The following SPAG9 variants were observed in gnomAD, a reference collection of about 807,000 sequenced individuals.
SPAG9 encodes C-Jun-amino-terminal kinase-interacting protein 4.
SPAG9 carries 35 observed loss-of-function variants against 166.5 expected under a neutral mutation model. The observed-to-expected ratio is 0.21, with a 90% CI of 0.16 to 0.28. The LOEUF is 0.28. Among genes scored for constraint, SPAG9 ranks in the 10% least tolerant of loss-of-function variants. The probability of loss-of-function intolerance (pLI) is 1.00; values close to 1 mark genes in which losing one functional copy is unlikely to be tolerated. For synonymous variants in SPAG9, 534 were observed against 565.5 expected (o/e 0.94, Z 0.79); for missense variants, 1,235 against 1,603.3 (o/e 0.77, Z 3.92).
At position 51,120,868 on chromosome 17, in the gene SPAG9, C is replaced by G; in HGVS notation, c.-212G>C. ...CCCCAACCGCCGCTGCACCAACTGCCGGGGCGGCCCGGCCGCGCGCGCCAC... is the reference window on the plus strand; with the variant it reads ...CCCCAACCGCCGCTGCACCAACTGCGGGGGCGGCCCGGCCGCGCGCGCCAC... On this transcript the variant is annotated 5_prime_UTR_variant, in exon 1 of 30. Transcript: ENST00000262013. The surrounding 1 kb of genome is among the most constrained non-coding windows in gnomAD (Gnocchi z 4.7). 3.9e-6 allele frequency: 1 copy of G among 256,186 alleles called. No homozygotes were observed. Among genetic ancestry groups the G allele is most frequent in the Non-Finnish European group, 7.4e-6 (1 of 135,838 alleles). 15.9% of individuals were successfully genotyped at this position (256,186 alleles called of 1,614,324 possible). A position where few individuals can be genotyped will look rare whatever the true frequency, so the allele number is the denominator to read the frequency against.
chr17:51,020,745 T>C (rs936624729), intron 7 of SPAG9, among the ~76,000 whole-genome samples: 12 of 152,342 alleles, frequency 7.9e-5, no homozygotes, highest in African/African-American at 2.6e-4. Context: ...CCATGGGGGA[T>C]TGGTTCCAGA....
intron 29 of SPAG9, among the ~76,000 whole-genome samples, chr17:50,968,027 G>A (rs778524050): frequency 6.6e-6 from 1 of 152,138 alleles, no homozygotes; most frequent in African/African-American, 2.4e-5. Context: ...GGTTCCAACT[G>A]ACATACTGCA....
intron 1 of SPAG9, among the ~76,000 whole-genome samples, chr17:51,092,926 A>C (rs955076058): frequency 6.6e-6 from 1 of 152,150 alleles, no homozygotes; most frequent in Admixed American, 6.6e-5. Context: ...CTACAGAGCA[A>C]GCAAATGTCT....
At chr17:50,996,854 A>G (rs2044703856) in intron 15 of SPAG9, among the ~76,000 whole-genome samples, 160 bp from the exon 16 acceptor site, 1 of 152,202 alleles carries the variant, frequency 6.6e-6, no homozygotes, top group Non-Finnish European at 1.5e-5. Flanking sequence ...AAAGTGTTAT[A>G]ATAGGCCGGG....
intron 6 of SPAG9, among the ~76,000 whole-genome samples, chr17:51,027,709 A>G (rs6504693): frequency 0.043 from 6,568 of 152,276 alleles, 479 homozygotes; most frequent in African/African-American, 0.15. Flanking sequence ...GTATAAAAGT[A>G]TAGTACATGC....
At chr17:50,994,048 T>C (rs1975853637) in intron 18 of SPAG9, 113 bp from the exon 19 acceptor site, 5 of 1,028,548 alleles carry the variant, frequency 4.9e-6, no homozygotes, top group Non-Finnish European at 7.0e-6. Context: ...TCCAGATTAT[T>C]TGGAAGGGTA....
chr17:50,972,211 T>TA (rs777799770), intron 28 of SPAG9, among the ~76,000 whole-genome samples: 1 of 152,202 alleles, frequency 6.6e-6, no homozygotes, highest in Non-Finnish European at 1.5e-5. Flanking sequence ...TTCAAACTAT[T>TA]ATAGTCTAAA....
chr17:50,987,326 T>C lies in SPAG9; in HGVS notation c.2814-89A>G. The stretch of plus-strand genomic sequence containing the variant: ...GACTGAATCCTTCTATATTTAAGTT[T>C]GTTCATTTGTTTATTATTTATTTAT... On this transcript the variant is annotated intron_variant, in intron 21 of 29. Transcript: ENST00000262013. 2.6e-6 allele frequency: 3 copies of C among 1,172,694 alleles called. No homozygotes were observed. In the South Asian group the frequency reaches 4.9e-5, roughly 19 times the overall value. The allele number at this position is 1,172,694 out of a possible 1,614,324, so 72.6% of individuals were successfully genotyped here.
Position 51,120,060 on chromosome 17 carries a change from T to C in SPAG9, c.303+294A>G, listed in dbSNP as rs1355026942. Among the ~76,000 whole-genome samples, 1 of 152,042 alleles carries C rather than the reference T, an allele frequency of 6.6e-6. No individual in the cohort carries two copies. Among genetic ancestry groups the C allele is most frequent in the South Asian group, 2.1e-4 (1 of 4,816 alleles). The stretch of plus-strand genomic sequence containing the variant: ...CAAGAAGCAACCAGACACCCAACAA[T>C]CTCCGCCCTTGGCCAACCCCAGGTG... On this transcript the variant is annotated intron_variant, in intron 1 of 29. Coordinates refer to ENST00000262013, the MANE Select transcript of SPAG9 (RefSeq NM_001130528.3). The surrounding 1 kb of genome is among the most constrained non-coding windows in gnomAD (Gnocchi z 4.7).
rs34010166 is a variant in SPAG9 at position 51,061,612 on chromosome 17, CAAAAAA to C, written c.425-5136_425-5131del. Among the ~76,000 whole-genome samples, 32 of 31,728 alleles carry C rather than the reference CAAAAAA, an allele frequency of 1.0e-3. No homozygotes were observed. The South Asian group carries it at 0.028, about 28-fold the overall frequency. 20.8% of individuals were successfully genotyped at this position (31,728 alleles called of 152,430 possible). A position where few individuals can be genotyped will look rare whatever the true frequency, so the allele number is the denominator to read the frequency against. On this transcript the variant is annotated intron_variant, in intron 2 of 29. Transcript: ENST00000262013. The stretch of plus-strand genomic sequence containing the variant: ...GCAACAAGAGCGAAAGCTCTGTCTC[CAAAAAA>C]AAAAAAAAAAAAAAAAAAAGGCTTG...
At position 50,966,364 on chromosome 17, in the gene SPAG9, G is replaced by A. The variant is rs758634792; in HGVS notation, c.3874C>T (p.Leu1292Phe). 3.0e-5 allele frequency: 48 copies of A among 1,612,628 alleles called. No homozygotes were observed. Among genetic ancestry groups the A allele is most frequent in the Admixed American group, 5.0e-5 (3 of 60,006 alleles). The stretch of plus-strand genomic sequence containing the variant: ...TCAAGTGGAAGATCCTCTCCAAGAA[G>A]TTCTGATTCTCCACCTTCATCACCT... ...RMGDEGGESELLGEDLPLEPS... is the reference protein window; with the variant it reads ...RMGDEGGESEFLGEDLPLEPS... The change falls in exon 30 of 30, where the codon CTT becomes TTT. Residue 1292 changes from leucine (L) to phenylalanine (F), a missense_variant. Coordinates refer to ENST00000262013, the MANE Select transcript of SPAG9 (RefSeq NM_001130528.3).
chr17:50,986,971 T>A, intron 22 of SPAG9, 141 bp downstream of exon 22: 1 of 725,604 alleles, frequency 1.4e-6, no homozygotes, highest in South Asian at 2.1e-5. Flanking sequence ...AGTTGCAACA[T>A]AACATCAAAT....
chr17:51,093,917 C>T (rs1247453503), intron 1 of SPAG9, among the ~76,000 whole-genome samples: 6 of 152,032 alleles, frequency 3.9e-5, no homozygotes, highest in Non-Finnish European at 8.8e-5. Flanking sequence ...GGTTTGTTTT[C>T]TCAATAAACT....
At chr17:51,101,681 T>C (rs2048812604) in intron 1 of SPAG9, among the ~76,000 whole-genome samples, 1 of 152,034 alleles carries the variant, frequency 6.6e-6, no homozygotes, top group African/African-American at 2.4e-5. Context: ...TGGAGTGCAA[T>C]GGTGCAACCT....
chr17:51,076,989 G>GCTAT (rs1197585096), intron 2 of SPAG9, among the ~76,000 whole-genome samples: 1 of 100,734 alleles, frequency 9.9e-6, no homozygotes, highest in Non-Finnish European at 2.1e-5. Flanking sequence ...ATCTTATCTA[G>GCTAT]CTATCTAGCT....
intron 21 of SPAG9, 109 bp from the exon 22 acceptor site, chr17:50,987,346 A>G: frequency 9.5e-7 from 1 of 1,049,180 alleles, no homozygotes; most frequent in Non-Finnish European, 1.3e-6. Context: ...TTTATTATTT[A>G]TTTATTTTTT....
intron 1 of SPAG9, among the ~76,000 whole-genome samples, chr17:51,085,952 G>T (rs1391490285): frequency 6.9e-6 from 1 of 145,940 alleles, no homozygotes; most frequent in African/African-American, 2.5e-5. Flanking sequence ...TTATCCTCTT[G>T]GAAATCATTT....
intron 6 of SPAG9, among the ~76,000 whole-genome samples, chr17:51,028,145 A>C (rs1159440948): frequency 6.6e-6 from 1 of 152,102 alleles, no homozygotes; most frequent in Non-Finnish European, 1.5e-5. Context: ...ATAGAGCTAT[A>C]CAATGTGTTT....
Position 50,977,100 on chromosome 17 carries a change from A to G in SPAG9, c.3523+8T>C, listed in dbSNP as rs1230526704. ...TGTTCCATGGCAGTTATCTAAAAATATACTTACTTTCTGTCAATGGGATGG... is the reference window on the plus strand; with the variant it reads ...TGTTCCATGGCAGTTATCTAAAAATGTACTTACTTTCTGTCAATGGGATGG... On this transcript the variant is annotated splice_region_variant and intron_variant, in intron 27 of 29. Coordinates refer to ENST00000262013, the MANE Select transcript of SPAG9 (RefSeq NM_001130528.3). 2 of 1,534,186 alleles carry G rather than the reference A, an allele frequency of 1.3e-6. No individual in the cohort carries two copies. Among genetic ancestry groups the G allele is most frequent in the African/African-American group, 2.7e-5 (2 of 73,144 alleles).
Sources: gnomAD v4.1 joint callset for allele counts (sites outside exome capture counted in the v4.1 genomes callset) on GRCh38, gnomAD v4.1.1 for gene constraint, Gnocchi (gnomAD v3.1) non-coding constraint, MANE v1.5 for transcripts, NCBI Gene and HGNC (gene_info 2026-07-23, HGNC 2026-07-21) for gene names.